The following PNPLA1 variants were observed in gnomAD, a reference collection of about 807,000 sequenced individuals.
PNPLA1 encodes patatin like domain 1, omega-hydroxyceramide transacylase, also known as omega-hydroxyceramide transacylase.
A neutral mutation model predicts 51.7 loss-of-function variants in PNPLA1; 36 were observed. The ratio of observed to expected loss-of-function variants is 0.70; its 90% CI spans 0.53 to 0.92. The LOEUF (loss-of-function observed/expected upper bound fraction) is 0.92, where lower values mean the gene tolerates loss of function less well. Ranked by LOEUF, PNPLA1 falls within the 40% of genes least tolerant of loss-of-function variation. The probability of loss-of-function intolerance (pLI) is 0.00; values close to 1 mark genes in which losing one functional copy is unlikely to be tolerated. For missense variants in PNPLA1, 658 were observed against 682.5 expected (o/e 0.96, Z 0.40); for synonymous variants, 293 against 280.1 (o/e 1.05, Z -0.46).
In PNPLA1 at chr6:36,294,443, G is replaced by C; in HGVS notation, c.714+44G>C. ...CTGGGGAGTAGCAGAAGGTACCAGG[G>C]ACTAGGGGTGGGGTTAGAGAGCCAC... is the stretch of plus-strand genomic sequence containing the variant. On this transcript the variant is annotated intron_variant, in intron 4 of 8. Coordinates refer to ENST00000636260, the MANE Select transcript of PNPLA1 (RefSeq NM_001374623.1). The surrounding 1 kb of genome is among the most constrained non-coding windows in gnomAD (Gnocchi z 4.2). The C allele has an allele frequency of 1.9e-6, 3 of 1,576,062 alleles. No individual in the cohort carries two copies. The highest frequency in any genetic ancestry group is 2.2e-5 in the South Asian group (2 of 88,954).
intron 1 of PNPLA1, among the ~76,000 whole-genome samples, chr6:36,262,588 T>C (rs980017795): frequency 1.3e-4 from 20 of 152,228 alleles, no homozygotes; most frequent in African/African-American, 4.6e-4. Flanking sequence ...CAAGCCCCAG[T>C]CCCTTCCTCA....
intron 1 of PNPLA1, among the ~76,000 whole-genome samples, chr6:36,252,058 C>A (rs764955017): frequency 2.6e-5 from 4 of 152,126 alleles, no homozygotes; most frequent in Non-Finnish European, 4.4e-5. Context: ...TGGGGAGACC[C>A]CAGGTAAGGA....
intron 4 of PNPLA1, 68 bp from the exon 5 acceptor site, chr6:36,295,296 G>T (rs1165982031): frequency 6.5e-7 from 1 of 1,536,854 alleles, no homozygotes; most frequent in Non-Finnish European, 9.0e-7. Context: ...AGCTGCCCTG[G>T]GTCGGGGGAA....
chr6:36,307,475 A>G lies in PNPLA1; in HGVS notation c.1470-112A>G, dbSNP rs918248717. 4.1e-6 allele frequency: 5 copies of G among 1,225,734 alleles called. No individual in the cohort carries two copies. In the African/African-American group the frequency reaches 6.1e-5, roughly 15 times the overall value. 75.9% of individuals were successfully genotyped at this position (1,225,734 alleles called of 1,614,324 possible). ...TTGCTGGGAAATCCAATCCTCAGCC[A>G]GGGTTGAGAACCACAGCGCGGGTGT... On this transcript the variant is annotated intron_variant, in intron 7 of 8. Transcript: ENST00000636260.
intron 1 of PNPLA1, among the ~76,000 whole-genome samples, chr6:36,249,179 A>G (rs1769370373): frequency 6.6e-6 from 1 of 152,198 alleles, no homozygotes; most frequent in South Asian, 2.1e-4. Context: ...CATTACTAGT[A>G]AGGCATTTCT....
chr6:36,267,175 A>C (rs1425991959), upstream of PNPLA1, among the ~76,000 whole-genome samples: 3 of 152,232 alleles, frequency 2.0e-5, no homozygotes, highest in African/African-American at 7.2e-5. Context: ...AGATGACTAA[A>C]AATCAAATAC....
intron 6 of PNPLA1, among the ~76,000 whole-genome samples, chr6:36,303,203 T>A (rs1423316676): frequency 1.3e-5 from 2 of 152,138 alleles, no homozygotes; most frequent in Non-Finnish European, 2.9e-5. Flanking sequence ...CACGCCATTC[T>A]TCTGCCTCAG....
intron 6 of PNPLA1, among the ~76,000 whole-genome samples, 159 bp downstream of exon 6, chr6:36,302,628 A>AG (rs1771100117): frequency 6.6e-6 from 1 of 152,192 alleles, no homozygotes; most frequent in Non-Finnish European, 1.5e-5. Context: ...GTCCGCCACA[A>AG]GGGGGCAGTG....
chr6:36,300,234 A>G (rs913032378), intron 5 of PNPLA1, among the ~76,000 whole-genome samples: 8 of 149,168 alleles, frequency 5.4e-5, no homozygotes, highest in Admixed American at 1.3e-4. Context: ...TTGCTGTGTC[A>G]CCCAGGCTGG....
At position 36,270,446 on chromosome 6, in the gene PNPLA1, C is replaced by T. The variant is rs1769876485; in HGVS notation, c.-14C>T. 6.4e-7 allele frequency: 1 copy of T among 1,550,836 alleles called. No individual in the cohort carries two copies. Among genetic ancestry groups the T allele is most frequent in the Non-Finnish European group, 8.7e-7 (1 of 1,146,860 alleles). ...GGTGGCTCCGCCTTCCGCAGAAAGT[C>T]AGAGGCCGAGGAGATGGAAGAACAG... On this transcript the variant is annotated 5_prime_UTR_variant, in exon 1 of 9. Transcript: ENST00000636260.
rs1460059891 is a variant in PNPLA1, at chr6:36,302,439, G to A, written c.1354G>A (p.Val452Met). The change falls in exon 6 of 9, where the codon GTG (valine) becomes ATG (methionine). Residue 452 changes from valine to methionine, a missense_variant. Val to Met is a conservative substitution (Grantham distance 21). Transcript: ENST00000636260. ...SLSAFPAQPPVEELGQEQPQA... is the reference protein window; with the variant it reads ...SLSAFPAQPPMEELGQEQPQA... ...TTCAGCCTTCCCTGCTCAGCCACCT[G>A]TGGAGGAACTAGGCCAAGAACAGCC... 4 of 1,556,100 alleles carry A rather than the reference G, an allele frequency of 2.6e-6. No homozygotes were observed. The highest frequency in any genetic ancestry group is 2.7e-5 in the African/African-American group (2 of 73,490).
At chr6:36,307,464 A>C (rs1441557225) in intron 7 of PNPLA1, 123 bp from the exon 8 acceptor site, 1 of 1,128,938 alleles carries the variant, frequency 8.9e-7, no homozygotes, top group Non-Finnish European at 1.2e-6. Context: ...TGGGAAATCC[A>C]ATCCTCAGCC....
rs758427839 is a variant in PNPLA1, at chr6:36,312,420, C to T, written c.*534C>T. Among the ~76,000 whole-genome samples, 23 of 152,330 alleles carry T rather than the reference C, an allele frequency of 1.5e-4. No homozygotes were observed. The South Asian group carries it at 2.1e-3, about 14-fold the overall frequency. On this transcript the variant is annotated 3_prime_UTR_variant, in exon 9 of 9. Transcript: ENST00000636260. Reference sequence around the variant, plus strand: ...ACCCCCTAACTGGCTTTTGGTGTAGCTTGAGATTTCCAATTTCCATGCATT... The same window carrying T: ...ACCCCCTAACTGGCTTTTGGTGTAGTTTGAGATTTCCAATTTCCATGCATT...
Position 36,301,915 on chromosome 6 carries a change from T to C in PNPLA1, c.830T>C (p.Val277Ala). 1 of 1,614,192 alleles carries C rather than the reference T, an allele frequency of 6.2e-7. No individual in the cohort carries two copies. The highest frequency in any genetic ancestry group is 8.5e-7 in the Non-Finnish European group (1 of 1,180,042). The change falls in exon 6 of 9, where the codon GTG (valine) becomes GCG (alanine). Residue 277 changes from valine to alanine, a missense_variant. Transcript: ENST00000636260. Reference protein sequence around the residue: ...SKRVIFPRVEVYCQIELALGN... With the variant: ...SKRVIFPRVEAYCQIELALGN... ...AGAGTGATTTTCCCCCGGGTGGAAG[T>C]GTACTGCCAGATAGAACTCGCCCTT...
At chr6:36,262,613 C>G (rs1395912657) in intron 1 of PNPLA1, among the ~76,000 whole-genome samples, 1 of 152,238 alleles carries the variant, frequency 6.6e-6, no homozygotes, top group African/African-American at 2.4e-5. Flanking sequence ...TAACCATCCT[C>G]AGCGGTTTTA....
chr6:36,283,639 A>T (rs1770387454), intron 1 of PNPLA1, among the ~76,000 whole-genome samples: 2 of 152,212 alleles, frequency 1.3e-5, no homozygotes, highest in Admixed American at 1.3e-4. Flanking sequence ...TAAAAAAATT[A>T]AGAAAGAAAA....
chr6:36,258,637 A>G (rs1442207915), intron 1 of PNPLA1, among the ~76,000 whole-genome samples: 2 of 152,194 alleles, frequency 1.3e-5, no homozygotes, highest in Non-Finnish European at 2.9e-5. Flanking sequence ...ATTCCCCAGC[A>G]GGTTTATTCT....
chr6:36,291,161 A>G (rs756587188), intron 1 of PNPLA1, among the ~76,000 whole-genome samples, 159 bp from the exon 2 acceptor site: 4 of 152,216 alleles, frequency 2.6e-5, no homozygotes, highest in Non-Finnish European at 5.9e-5. Context: ...CGTCATGTGC[A>G]AGACAGCAGG....
At chr6:36,307,098 C>G (rs1482900285) in intron 7 of PNPLA1, among the ~76,000 whole-genome samples, 1 of 152,172 alleles carries the variant, frequency 6.6e-6, no homozygotes, top group Non-Finnish European at 1.5e-5. Flanking sequence ...TCTCATCCCT[C>G]CCTGCCTTGG....
Sources: gnomAD v4.1 joint callset for allele counts (sites outside exome capture counted in the v4.1 genomes callset) on GRCh38, gnomAD v4.1.1 for gene constraint, Gnocchi (gnomAD v3.1) non-coding constraint, MANE v1.5 for transcripts, NCBI Gene and HGNC (gene_info 2026-07-23, HGNC 2026-07-21) for gene names.